Variants in ANK3 observed in about 807,000 individuals in gnomAD.
ANK3 encodes ankyrin 3.
ANK3 carries 57 observed loss-of-function variants against 370.9 expected under a neutral mutation model. The observed-to-expected ratio is 0.15, with a 90% CI of 0.12 to 0.19. The LOEUF (loss-of-function observed/expected upper bound fraction) is 0.19. ANK3 is among the 10% of genes least tolerant of loss of function. ANK3 has a pLI of 1.00. For missense variants in ANK3, 4,439 were observed against 5,302.1 expected (o/e 0.84, Z 5.06); for synonymous variants, 1,929 against 1,946.3 (o/e 0.99, Z 0.23).
At position 60,096,761 on chromosome 10, in the gene ANK3, T is replaced by C. The variant is rs1461561712; in HGVS notation, c.3329-8403A>G. Among the ~76,000 whole-genome samples, 6 of 152,186 alleles carry C rather than the reference T, an allele frequency of 3.9e-5. No individual in the cohort carries two copies. The East Asian group carries it at 9.6e-4, about 24-fold the overall frequency. The stretch of plus-strand genomic sequence containing the variant: ...GGTTTAATATGAGAAGAAAAGCTTA[T>C]TGGCAAAAATAAATATTCATTACTT... On this transcript the variant is annotated intron_variant, in intron 28 of 43. Transcript: ENST00000280772.
intron 2 of ANK3, among the ~76,000 whole-genome samples, chr10:60,446,808 C>T (rs1230924465): frequency 2.0e-5 from 3 of 152,120 alleles, no homozygotes. Context: ...TCACCCAAAA[C>T]TACCATAACC....
upstream of ANK3, among the ~76,000 whole-genome samples, chr10:60,391,178 C>T (rs72806135): frequency 0.11 from 16,139 of 152,200 alleles, 956 homozygotes; most frequent in South Asian, 0.14. Context: ...CAATGGACTG[C>T]GCACTTCTCT....
chr10:60,260,384 G>A (rs181521312), intron 7 of ANK3, among the ~76,000 whole-genome samples: 2 of 152,300 alleles, frequency 1.3e-5, no homozygotes, highest in Admixed American at 1.3e-4. Flanking sequence ...TTTTACTGCT[G>A]ATGCAACTAC....
At chr10:60,165,585 T>C (rs1423929195) in intron 23 of ANK3, among the ~76,000 whole-genome samples, 2 of 152,244 alleles carry the variant, frequency 1.3e-5, no homozygotes, top group East Asian at 3.9e-4. Flanking sequence ...AACGAAAAGA[T>C]TAAAGTGGCT....
chr10:60,602,924 T>G (rs2078083532), intron 2 of ANK3, among the ~76,000 whole-genome samples: 1 of 152,182 alleles, frequency 6.6e-6, no homozygotes. Flanking sequence ...ATTTCTTATA[T>G]TTCATTTCAC....
intron 1 of ANK3, among the ~76,000 whole-genome samples, chr10:60,648,837 C>T (rs151174080): frequency 8.4e-5 from 12 of 143,170 alleles, no homozygotes; most frequent in African/African-American, 2.6e-4. Context: ...CCCAGATACA[C>T]CCCTTCCAGC....
intron 23 of ANK3, among the ~76,000 whole-genome samples, chr10:60,161,745 G>A (rs184808270): frequency 8.1e-4 from 124 of 152,178 alleles, no homozygotes; most frequent in Non-Finnish European, 1.6e-3. Flanking sequence ...TGGAAAGAGC[G>A]GGGATAAAGA....
chr10:60,442,086 C>CTCCCATA (rs2064313600), intron 2 of ANK3, among the ~76,000 whole-genome samples: 1 of 149,674 alleles, frequency 6.7e-6, no homozygotes, highest in African/African-American at 2.5e-5. Context: ...TATACACATC[C>CTCCCATA]TCCCATATAC....
chr10:60,429,025 T>G (rs1254902083), intron 2 of ANK3, among the ~76,000 whole-genome samples: 1 of 95,972 alleles, frequency 1.0e-5, no homozygotes, highest in Admixed American at 9.2e-5. Context: ...AGCCCAAAAG[T>G]TCAGTGTTAA....
At chr10:60,222,989 T>C (rs1218707759) in intron 8 of ANK3, among the ~76,000 whole-genome samples, 1 of 152,190 alleles carries the variant, frequency 6.6e-6, no homozygotes, top group Non-Finnish European at 1.5e-5. Flanking sequence ...TGGGCACACA[T>C]GAATATTTCC....
At chr10:60,108,294 A>G in intron 27 of ANK3, 1 of 386,734 alleles carries the variant, frequency 2.6e-6, no homozygotes, top group Middle Eastern at 3.7e-4. Context: ...TTACTGAATA[A>G]CATCCATGCA....
rs1269536986 is a variant in ANK3, at chr10:60,186,760, C to G, written c.2040G>C (p.Val680=). The part of the protein sequence containing the change: ...LAAQEGHVDM[V]SLLLGRNANV... ...TCGCATTTCTACCGAGGAGCAGCGACACCATGTCCACGTGCCCTTCCTGAG... is the reference window on the plus strand; with the variant it reads ...TCGCATTTCTACCGAGGAGCAGCGAGACCATGTCCACGTGCCCTTCCTGAG... Residue 680 remains valine (V), a synonymous_variant, in exon 17 of 44, where the codon GTG becomes GTC. Coordinates refer to ENST00000280772, the MANE Select transcript of ANK3 (RefSeq NM_020987.5). The G allele has an allele frequency of 8.1e-6, 13 of 1,614,024 alleles. No individual in the cohort carries two copies. Among genetic ancestry groups the G allele is most frequent in the Non-Finnish European group, 1.1e-5 (13 of 1,180,016 alleles).
At chr10:60,068,509 A>T in intron 37 of ANK3, 128 bp downstream of exon 37, 1 of 988,970 alleles carries the variant, frequency 1.0e-6, no homozygotes, top group Non-Finnish European at 1.5e-6. Context: ...ACTACGGTTA[A>T]GTCACTCCAC....
intron 1 of ANK3, among the ~76,000 whole-genome samples, chr10:60,693,751 C>A (rs1466442305): frequency 6.6e-6 from 1 of 152,162 alleles, no homozygotes. Flanking sequence ...CCCATCTGTA[C>A]ATCACCATCA....
At position 60,301,615 on chromosome 10, in the gene ANK3, G is replaced by A. The variant is rs548067695; in HGVS notation, c.115-21976C>T. Reference sequence around the variant, plus strand: ...TTTAGTAAGGACGGGGTTTCACCATGTTGGTTGGCCAGGCTGGTCTCAAAC... The same window carrying A: ...TTTAGTAAGGACGGGGTTTCACCATATTGGTTGGCCAGGCTGGTCTCAAAC... On this transcript the variant is annotated intron_variant, in intron 1 of 43. Transcript: ENST00000280772. 3.3e-5 allele frequency among the ~76,000 whole-genome samples: 5 copies of A among 151,962 alleles called. No individual in the cohort carries two copies. In the South Asian group the frequency reaches 1.0e-3, roughly 32 times the overall value.
At chr10:60,497,279 C>A (rs2075683210) in intron 2 of ANK3, among the ~76,000 whole-genome samples, 1 of 152,020 alleles carries the variant, frequency 6.6e-6, no homozygotes. Context: ...CAGAGTGAGA[C>A]CCTGTCTTTA....
chr10:60,214,476 G>C (rs1565731129), intron 8 of ANK3, among the ~76,000 whole-genome samples: 1 of 151,974 alleles, frequency 6.6e-6, no homozygotes, highest in Non-Finnish European at 1.5e-5. Flanking sequence ...GTGGTTTGCT[G>C]TACCTATTGA....
chr10:60,612,384 C>A (rs2133319243), intron 2 of ANK3, among the ~76,000 whole-genome samples: 1 of 152,244 alleles, frequency 6.6e-6, no homozygotes, highest in East Asian at 1.9e-4. Context: ...TCCCAAGATA[C>A]CAAAAATGTA....
chr10:60,656,723 G>T (rs183284508), intron 1 of ANK3, among the ~76,000 whole-genome samples: 6,527 of 151,864 alleles, frequency 0.043, 178 homozygotes, highest in Middle Eastern at 0.075. Context: ...ATTGATATGT[G>T]GTATTTTTAT....
Sources: allele counts gnomAD v4.1 joint callset (sites outside exome capture counted in the v4.1 genomes callset), GRCh38; gene constraint gnomAD v4.1.1; transcripts MANE v1.5; gene names NCBI Gene and HGNC (gene_info 2026-07-23, HGNC 2026-07-21).